Variants in CDC42BPB observed in about 807,000 individuals in gnomAD.
The protein encoded by CDC42BPB is serine/threonine-protein kinase MRCK beta.
CDC42BPB carries 37 observed loss-of-function variants against 214.9 expected under a neutral mutation model. The observed-to-expected ratio is 0.17, with a 90% CI of 0.13 to 0.23. The LOEUF (loss-of-function observed/expected upper bound fraction) is 0.23, where lower values mean the gene tolerates loss of function less well. CDC42BPB is among the 10% of genes least tolerant of loss of function. The pLI is 1.00. For synonymous variants in CDC42BPB, 931 were observed against 884.0 expected (o/e 1.05, Z -0.94); for missense variants, 1,694 against 2,227.0 (o/e 0.76, Z 4.82).
chr14:103,007,277 A>G (rs1885883992), intron 3 of CDC42BPB, among the ~76,000 whole-genome samples: 1 of 152,286 alleles, frequency 6.6e-6, no homozygotes, highest in South Asian at 2.1e-4. Flanking sequence ...CATAGCAGGG[A>G]AAGGGGAAAT....
intron 1 of CDC42BPB, among the ~76,000 whole-genome samples, chr14:103,046,630 G>T (rs923773973): frequency 1.3e-5 from 2 of 152,122 alleles, no homozygotes; most frequent in Non-Finnish European, 2.9e-5. Context: ...ACAGAAAGAG[G>T]ATGTTACAAA....
intron 6 of CDC42BPB, among the ~76,000 whole-genome samples, chr14:102,984,449 C>T (rs566009978): frequency 1.1e-4 from 16 of 152,240 alleles, no homozygotes; most frequent in Non-Finnish European, 2.2e-4. Context: ...TTGGTCCAGG[C>T]ATTAGCCGGG....
chr14:103,047,286 A>G (rs1595191795), intron 1 of CDC42BPB, among the ~76,000 whole-genome samples: 1 of 151,690 alleles, frequency 6.6e-6, no homozygotes, highest in African/African-American at 2.4e-5. Context: ...TCTCAAAAAA[A>G]AAAAAAAAAA....
intron 11 of CDC42BPB, among the ~76,000 whole-genome samples, chr14:102,974,558 A>C (rs1893649898): frequency 6.6e-6 from 1 of 152,334 alleles, no homozygotes; most frequent in African/African-American, 2.4e-5. Context: ...TTGGATCAGG[A>C]CAGTGGGGTT....
At position 102,943,884 on chromosome 14, in the gene CDC42BPB, T is replaced by C; in HGVS notation, c.4408+7A>G. 1 of 1,597,938 alleles carries C rather than the reference T, an allele frequency of 6.3e-7. No individual in the cohort carries two copies. The highest frequency in any genetic ancestry group is 8.5e-7 in the Non-Finnish European group (1 of 1,173,874). On this transcript the variant is annotated splice_region_variant and intron_variant, in intron 30 of 36. Transcript: ENST00000361246. The surrounding 1 kb of genome is among the most constrained non-coding windows in gnomAD (Gnocchi z 4.6). ...ACAGGGATATGCAACAGAAAACATA[T>C]ACATACTACAGGCGACAGGAGCCGC... is the stretch of plus-strand genomic sequence containing the variant.
intron 1 of CDC42BPB, among the ~76,000 whole-genome samples, chr14:103,052,031 G>T (rs1294040269): frequency 1.3e-5 from 2 of 152,060 alleles, no homozygotes; most frequent in African/African-American, 2.4e-5. Context: ...TAGTACAGAC[G>T]GGTTTTCACC....
At position 102,940,336 on chromosome 14, in the gene CDC42BPB, G is replaced by C; in HGVS notation, c.4409-12C>G. 6.4e-7 allele frequency: 1 copy of C among 1,557,678 alleles called. No homozygotes were observed. The highest frequency in any genetic ancestry group is 8.7e-7 in the Non-Finnish European group (1 of 1,150,946). On this transcript the variant is annotated splice_polypyrimidine_tract_variant and intron_variant, in intron 30 of 36. Coordinates refer to ENST00000361246, the MANE Select transcript of CDC42BPB (RefSeq NM_006035.4). ...GGTGGGGCTGCAACCTAGCGCAGAC[G>C]GAGCAGGGCGGGGTGAGCCACAGTG...
chr14:103,053,535 GCA>G (rs1566930015), intron 1 of CDC42BPB, among the ~76,000 whole-genome samples: 38 of 151,868 alleles, frequency 2.5e-4, no homozygotes, highest in African/African-American at 8.9e-4. Flanking sequence ...GCCAAGGGGG[GCA>G]GATCACGAGG....
At chr14:102,952,100 C>T (rs1892516119) in intron 24 of CDC42BPB, among the ~76,000 whole-genome samples, 1 of 152,120 alleles carries the variant, frequency 6.6e-6, no homozygotes, top group African/African-American at 2.4e-5. Context: ...GTAATTCCAG[C>T]ACTTCGGGAG....
chr14:103,036,407 G>A (rs1324448809), intron 1 of CDC42BPB, among the ~76,000 whole-genome samples: 4 of 151,900 alleles, frequency 2.6e-5, no homozygotes, highest in Middle Eastern at 3.4e-3. Context: ...CACCTGCCTC[G>A]GCCTCCCAAA....
intron 1 of CDC42BPB, among the ~76,000 whole-genome samples, chr14:103,046,688 C>T (rs1888307365): frequency 6.6e-6 from 1 of 152,120 alleles, no homozygotes; most frequent in South Asian, 2.1e-4. Flanking sequence ...CAGTCTCTCT[C>T]TGTCACCCAG....
chr14:103,055,720 G>C (rs1489624005), intron 1 of CDC42BPB, among the ~76,000 whole-genome samples: 1 of 152,220 alleles, frequency 6.6e-6, no homozygotes, highest in Non-Finnish European at 1.5e-5. Context: ...GCCCTCTAAA[G>C]AATATTGCAA....
At chr14:102,993,201 A>G (rs550418443) in intron 5 of CDC42BPB, among the ~76,000 whole-genome samples, 1 of 152,332 alleles carries the variant, frequency 6.6e-6, no homozygotes, top group South Asian at 2.1e-4. Context: ...ACATATTTAA[A>G]TACATCTCAA....
chr14:103,013,760 G>A (rs1348463250), intron 1 of CDC42BPB, among the ~76,000 whole-genome samples: 1 of 152,190 alleles, frequency 6.6e-6, no homozygotes, highest in African/African-American at 2.4e-5. Flanking sequence ...AGCCTGCGAG[G>A]GACATGGCCT....
intron 5 of CDC42BPB, among the ~76,000 whole-genome samples, chr14:102,997,150 G>C (rs1894775891): frequency 6.6e-6 from 1 of 152,110 alleles, no homozygotes; most frequent in Non-Finnish European, 1.5e-5. Flanking sequence ...ACCACGGAGG[G>C]GGCCCGAGCA....
At chr14:102,967,003 G>C in intron 17 of CDC42BPB, 43 bp downstream of exon 17, 1 of 1,599,200 alleles carries the variant, frequency 6.3e-7, no homozygotes, top group Non-Finnish European at 8.5e-7. Context: ...CATGGACTGA[G>C]CAGGGAGCGG....
chr14:103,044,365 C>A (rs894907203), intron 1 of CDC42BPB, among the ~76,000 whole-genome samples: 1 of 146,644 alleles, frequency 6.8e-6, no homozygotes, highest in Admixed American at 6.7e-5. Flanking sequence ...ACAGCCGGCA[C>A]CTTTTTTTTT....
intron 17 of CDC42BPB, chr14:102,966,612 A>T (rs761814383): frequency 5.6e-5 from 37 of 658,282 alleles, no homozygotes; most frequent in Non-Finnish European, 6.6e-5. Flanking sequence ...AGACTCAAGA[A>T]TGAAAAAATT....
intron 31 of CDC42BPB, 33 bp from the exon 32 acceptor site, chr14:102,940,163 C>A (rs764818839): frequency 6.2e-7 from 1 of 1,613,820 alleles, no homozygotes; most frequent in Admixed American, 1.7e-5. Context: ...ACAGTAAGCG[C>A]GGCCACGCAC....
Sources: allele counts gnomAD v4.1 joint callset (sites outside exome capture counted in the v4.1 genomes callset), GRCh38; gene constraint gnomAD v4.1.1; non-coding constraint Gnocchi (gnomAD v3.1); transcripts MANE v1.5; gene names NCBI Gene and HGNC (gene_info 2026-07-23, HGNC 2026-07-21).